KIAA0513: variants seen among roughly 807,000 people sequenced by gnomAD.
KIAA0513 encodes the protein uncharacterized protein KIAA0513.
In KIAA0513, 39 loss-of-function variants were observed where a neutral mutation model predicts 56.5. The observed-to-expected ratio is 0.69, with a 90% CI of 0.53 to 0.90. The LOEUF (loss-of-function observed/expected upper bound fraction) is 0.90. KIAA0513 is among the 40% of genes least tolerant of loss of function. The pLI is 0.00. For missense variants in KIAA0513, 591 were observed against 535.2 expected, an observed-to-expected ratio of 1.10 and a Z score of -1.03; for synonymous variants, 268 against 215.6, an observed-to-expected ratio of 1.24 and a Z score of -2.13.
chr16:85,089,807 AG>A lies in KIAA0513; in HGVS notation c.*1483del, dbSNP rs2073850114. The A allele has an allele frequency of 6.6e-6, 1 of 152,190 alleles. No individual in the cohort carries two copies. Among genetic ancestry groups the A allele is most frequent in the Non-Finnish European group, 1.5e-5 (1 of 68,038 alleles). The allele number at this position is 152,190 out of a possible 1,614,324, so 9.4% of individuals were successfully genotyped here. A position where few individuals can be genotyped will look rare whatever the true frequency, so the allele number is the denominator to read the frequency against. ...GGGGAATGCCTCCCTGGAATGTTCC[AG>A]AGACGGAACATTCTCTAGAGACAAC... On this transcript the variant is annotated 3_prime_UTR_variant, in exon 13 of 13. Transcript: ENST00000683363. The surrounding 1 kb of genome is among the most constrained non-coding windows in gnomAD (Gnocchi z 4.2).
chr16:85,085,123 G>T (rs543876661), intron 10 of KIAA0513, among the ~76,000 whole-genome samples: 1 of 152,238 alleles, frequency 6.6e-6, no homozygotes, highest in African/African-American at 2.4e-5. Flanking sequence ...GCAGGCCTGC[G>T]AGGGGTGCGG....
At chr16:85,032,639 C>CT (rs936609315) in intron 1 of KIAA0513, among the ~76,000 whole-genome samples, 23 of 151,058 alleles carry the variant, frequency 1.5e-4, no homozygotes, top group Admixed American at 5.3e-4. Context: ...CACAAAGACC[C>CT]TTTTTTTTTG....
chr16:85,083,401 G>A (rs2073771565), intron 10 of KIAA0513, among the ~76,000 whole-genome samples: 2 of 152,214 alleles, frequency 1.3e-5, no homozygotes, highest in Non-Finnish European at 2.9e-5. Flanking sequence ...ATTGTCATGA[G>A]CAATCGTGTT....
In KIAA0513 at chr16:85,076,737, G is replaced by C. The variant is rs59690028; in HGVS notation, c.575-688G>C. 0.013 allele frequency among the ~76,000 whole-genome samples: 2,010 copies of C among 152,288 alleles called. 52 individuals carry two copies. The highest frequency in any genetic ancestry group is 0.045 in the African/African-American group (1,880 of 41,554). On this transcript the variant is annotated intron_variant, in intron 5 of 12. Coordinates refer to ENST00000683363, the MANE Select transcript of KIAA0513 (RefSeq NM_001388359.1). The surrounding 1 kb of genome is among the most constrained non-coding windows in gnomAD (Gnocchi z 4.7). Reference sequence around the variant, plus strand: ...ACCAGTGGGCAGGCCCTTCCTGCCAGGCCACACGTCGGCTGCTTTGGGTGG... The same window carrying C: ...ACCAGTGGGCAGGCCCTTCCTGCCACGCCACACGTCGGCTGCTTTGGGTGG...
At chr16:85,084,045 G>A (rs574852743) in intron 10 of KIAA0513, among the ~76,000 whole-genome samples, 1 of 145,834 alleles carries the variant, frequency 6.9e-6, no homozygotes, top group African/African-American at 2.5e-5. Flanking sequence ...ACTGGAAATT[G>A]AACTCTTCTA....
At chr16:85,060,676 AAAT>A (rs774144548) in intron 1 of KIAA0513, among the ~76,000 whole-genome samples, 3 of 151,728 alleles carry the variant, frequency 2.0e-5, no homozygotes, top group African/African-American at 4.8e-5. Context: ...TCACCTTTAT[AAAT>A]AATAATAATA....
intron 1 of KIAA0513, among the ~76,000 whole-genome samples, chr16:85,037,369 C>T (rs1174195723): frequency 3.3e-5 from 5 of 151,944 alleles, no homozygotes; most frequent in African/African-American, 7.3e-5. Flanking sequence ...CAGGGGATAT[C>T]GGGTGAACCT....
intron 10 of KIAA0513, among the ~76,000 whole-genome samples, chr16:85,086,370 G>A (rs59287621): frequency 0.11 from 16,454 of 152,270 alleles, 1,336 homozygotes; most frequent in East Asian, 0.24. Context: ...GTGGTGCTCC[G>A]TGCCTTCAGG....
At chr16:85,057,888 C>CT (rs1186502268) in intron 1 of KIAA0513, among the ~76,000 whole-genome samples, 1 of 151,878 alleles carries the variant, frequency 6.6e-6, no homozygotes, top group African/African-American at 2.4e-5. Flanking sequence ...CTGCACACGG[C>CT]TTGGTGTGGG....
intron 1 of KIAA0513, among the ~76,000 whole-genome samples, chr16:85,050,586 G>T (rs2073239032): frequency 6.6e-6 from 1 of 152,140 alleles, no homozygotes; most frequent in African/African-American, 2.4e-5. Flanking sequence ...AAAGTGCTAG[G>T]ATTACAGGCG....
intron 1 of KIAA0513, among the ~76,000 whole-genome samples, chr16:85,055,234 GT>G (rs201257528): frequency 1.3e-4 from 19 of 151,202 alleles, no homozygotes; most frequent in African/African-American, 4.4e-4. Flanking sequence ...TCTTTTTGTG[GT>G]TTTTTTTTGT....
chr16:85,087,389 T>C (rs1185975916), intron 12 of KIAA0513, among the ~76,000 whole-genome samples: 1 of 152,192 alleles, frequency 6.6e-6, no homozygotes, highest in East Asian at 1.9e-4. Context: ...CTAGATGGGA[T>C]TGCGGGCATT....
chr16:85,053,990 CAAA>C (rs770896525), intron 1 of KIAA0513, among the ~76,000 whole-genome samples: 2 of 80,700 alleles, frequency 2.5e-5, no homozygotes. Context: ...GACTCTGTCT[CAAA>C]AAAAAAAAAA....
intron 1 of KIAA0513, among the ~76,000 whole-genome samples, chr16:85,029,714 T>TA (rs1195251460): frequency 6.6e-6 from 1 of 152,164 alleles, no homozygotes; most frequent in East Asian, 1.9e-4. Flanking sequence ...GGCAGTTTTT[T>TA]AAAAAAAGTC....
intron 1 of KIAA0513, among the ~76,000 whole-genome samples, chr16:85,053,947 ATGCCACTGCAC>A (rs1370795897): frequency 6.7e-6 from 1 of 149,506 alleles, no homozygotes; most frequent in Non-Finnish European, 1.5e-5. Context: ...AACTGAGATC[ATGCCACTGCAC>A]TCCAGCCTGG....
intron 1 of KIAA0513, among the ~76,000 whole-genome samples, chr16:85,054,339 C>T (rs922745367): frequency 1.1e-4 from 16 of 151,550 alleles, no homozygotes; most frequent in African/African-American, 3.6e-4. Flanking sequence ...ACTTCGAAAG[C>T]TTCTTCACAT....
chr16:85,059,285 A>G (rs1364426688), intron 1 of KIAA0513, among the ~76,000 whole-genome samples: 4 of 152,200 alleles, frequency 2.6e-5, no homozygotes, highest in Non-Finnish European at 4.4e-5. Context: ...CCCTCAAAAA[A>G]TTGATCTATG....
chr16:85,073,175 C>G (rs1160312614), intron 4 of KIAA0513, among the ~76,000 whole-genome samples, 177 bp downstream of exon 4: 2 of 152,194 alleles, frequency 1.3e-5, no homozygotes, highest in African/African-American at 2.4e-5. Flanking sequence ...TGACCTCCAT[C>G]TCGCGGGAGC....
chr16:85,086,451 A>G (rs1329792100), intron 10 of KIAA0513, among the ~76,000 whole-genome samples, 193 bp from the exon 11 acceptor site: 2 of 152,236 alleles, frequency 1.3e-5, no homozygotes, highest in African/African-American at 2.4e-5. Context: ...GGGGACCCCA[A>G]GCGCGGTGTG....
Sources: gnomAD v4.1 joint callset for allele counts (sites outside exome capture counted in the v4.1 genomes callset) on GRCh38, gnomAD v4.1.1 for gene constraint, Gnocchi (gnomAD v3.1) non-coding constraint, MANE v1.5 for transcripts, NCBI Gene and HGNC (gene_info 2026-07-23, HGNC 2026-07-21) for gene names.